Variants in FCHO2 observed in about 807,000 individuals in gnomAD.
FCHO2 encodes F-BAR domain only protein 2.
A neutral mutation model predicts 114.1 loss-of-function variants in FCHO2; 43 were observed. That is an observed-to-expected ratio of 0.38 (90% CI 0.30 to 0.49). The LOEUF (loss-of-function observed/expected upper bound fraction) is 0.49, where lower values mean the gene tolerates loss of function less well. FCHO2 is among the 20% of genes least tolerant of loss of function. FCHO2 has a pLI of 0.97. For synonymous variants in FCHO2, 293 were observed against 315.2 expected (o/e 0.93, Z 0.75); for missense variants, 807 against 950.4 (o/e 0.85, Z 1.98).
chr5:73,057,847 G>A (rs1448802658), intron 16 of FCHO2, among the ~76,000 whole-genome samples: 1 of 152,026 alleles, frequency 6.6e-6, no homozygotes, highest in Non-Finnish European at 1.5e-5. Flanking sequence ...CCCCAAGGTG[G>A]TTGAATCTAA....
At chr5:73,057,088 T>C (rs1297985135) in intron 16 of FCHO2, among the ~76,000 whole-genome samples, 3 of 133,376 alleles carry the variant, frequency 2.2e-5, no homozygotes, top group Non-Finnish European at 4.7e-5. Flanking sequence ...GTCTCCCAGC[T>C]AATTTTTTTC....
At chr5:72,980,057 T>C (rs1753116405) in intron 2 of FCHO2, among the ~76,000 whole-genome samples, 1 of 152,234 alleles carries the variant, frequency 6.6e-6, no homozygotes, top group South Asian at 2.1e-4. Context: ...ATTTTAGATC[T>C]TTCCTGCTTT....
chr5:72,962,551 A>G (rs1408476026), intron 1 of FCHO2, among the ~76,000 whole-genome samples: 1 of 152,170 alleles, frequency 6.6e-6, no homozygotes, highest in Non-Finnish European at 1.5e-5. Context: ...TTAAAAAGGA[A>G]GGGAATAAGG....
intron 9 of FCHO2, 83 bp downstream of exon 9, chr5:73,034,784 C>A: frequency 8.7e-7 from 1 of 1,155,012 alleles, no homozygotes; most frequent in Non-Finnish European, 1.2e-6. Context: ...GGAGGGACTG[C>A]TATCCCTAGG....
intron 5 of FCHO2, among the ~76,000 whole-genome samples, chr5:72,994,171 A>G (rs920145297): frequency 3.3e-5 from 5 of 152,236 alleles, no homozygotes; most frequent in Admixed American, 6.5e-5. Context: ...CTGCACAGCA[A>G]AAGAAACTAT....
chr5:73,027,682 A>G (rs1374149901), intron 8 of FCHO2, among the ~76,000 whole-genome samples: 1 of 152,190 alleles, frequency 6.6e-6, no homozygotes, highest in African/African-American at 2.4e-5. Context: ...ATCCATACAG[A>G]TAAAAATAAA....
rs1215699121 is a variant in FCHO2 at position 72,956,051 on chromosome 5, A to T, written c.-46A>T. 6.5e-7 allele frequency: 1 copy of T among 1,537,494 alleles called. No homozygotes were observed. Among genetic ancestry groups the T allele is most frequent in the Non-Finnish European group, 8.8e-7 (1 of 1,141,214 alleles). ...TGTGGGGGCCGGGCCGTGTTTACACAGCGGCGGGCGGGCGCGGACGCGGAA... is the reference window on the plus strand; with the variant it reads ...TGTGGGGGCCGGGCCGTGTTTACACTGCGGCGGGCGGGCGCGGACGCGGAA... On this transcript the variant is annotated 5_prime_UTR_variant, in exon 1 of 26. Transcript: ENST00000430046.
At chr5:72,957,745 T>G (rs1751636108) in intron 1 of FCHO2, among the ~76,000 whole-genome samples, 1 of 152,230 alleles carries the variant, frequency 6.6e-6, no homozygotes, top group Non-Finnish European at 1.5e-5. Context: ...TTTAACATTT[T>G]GAGGAACTGC....
chr5:73,057,398 CA>C (rs1260476806), intron 16 of FCHO2, among the ~76,000 whole-genome samples: 1 of 152,030 alleles, frequency 6.6e-6, no homozygotes, highest in Non-Finnish European at 1.5e-5. Flanking sequence ...CATACAGTTG[CA>C]ATGCTAGGCT....
At chr5:73,023,170 G>A (rs1755721335) in intron 8 of FCHO2, among the ~76,000 whole-genome samples, 2 of 152,192 alleles carry the variant, frequency 1.3e-5, no homozygotes, top group African/African-American at 4.8e-5. Flanking sequence ...GTAGTACATT[G>A]TAGAATCACA....
At chr5:73,002,421 C>T (rs1031102810) in intron 5 of FCHO2, among the ~76,000 whole-genome samples, 9 of 152,186 alleles carry the variant, frequency 5.9e-5, no homozygotes, top group Non-Finnish European at 1.0e-4. Context: ...AGTAATGTTC[C>T]TCCATGTAGT....
intron 5 of FCHO2, among the ~76,000 whole-genome samples, chr5:73,003,151 T>C (rs1043536150): frequency 6.6e-6 from 1 of 151,932 alleles, no homozygotes; most frequent in African/African-American, 2.4e-5. Flanking sequence ...ACCACAGGTG[T>C]GTGTCACTGT....
intron 5 of FCHO2, among the ~76,000 whole-genome samples, chr5:72,991,226 G>A (rs1299001940): frequency 1.3e-5 from 2 of 151,998 alleles, no homozygotes; most frequent in South Asian, 2.1e-4. Flanking sequence ...CACCACATCC[G>A]GCTAATTTTG....
At chr5:73,065,904 T>G (rs1742297140) in intron 18 of FCHO2, among the ~76,000 whole-genome samples, 1 of 151,928 alleles carries the variant, frequency 6.6e-6, no homozygotes, top group African/African-American at 2.4e-5. Flanking sequence ...TCCTCCCACC[T>G]TTTGTAGTCT....
At chr5:73,087,412 GA>G (rs1234113124) in intron 24 of FCHO2, among the ~76,000 whole-genome samples, 176 bp from the exon 25 acceptor site, 2 of 152,196 alleles carry the variant, frequency 1.3e-5, no homozygotes, top group Non-Finnish European at 2.9e-5. Flanking sequence ...TTTACTTAAT[GA>G]AAATTGATAT....
At chr5:73,044,198 C>T (rs912867589) in intron 11 of FCHO2, among the ~76,000 whole-genome samples, 5 of 152,098 alleles carry the variant, frequency 3.3e-5, no homozygotes, top group East Asian at 1.9e-4. Flanking sequence ...AACTGTGAAC[C>T]GATTAAACTT....
rs577027520 is a variant in FCHO2, at chr5:72,976,470, A to G, written c.125+7881A>G. Among the ~76,000 whole-genome samples, 5 of 152,090 alleles carry G rather than the reference A, an allele frequency of 3.3e-5. No individual in the cohort carries two copies. In the South Asian group the frequency reaches 1.0e-3, roughly 32 times the overall value. ...GCAGTCCTCCCGCCACAGTCTCCCA[A>G]AGCTCTGCGATTACAGGAGGGAACC... On this transcript the variant is annotated intron_variant, in intron 2 of 25. Transcript: ENST00000430046.
chr5:73,047,795 CTG>C (rs1442112164), intron 11 of FCHO2, among the ~76,000 whole-genome samples: 1 of 151,932 alleles, frequency 6.6e-6, no homozygotes, highest in South Asian at 2.1e-4. Flanking sequence ...AGTTGTTTTA[CTG>C]TGTTTTTTAA....
intron 19 of FCHO2, among the ~76,000 whole-genome samples, chr5:73,072,364 A>G (rs982198081): frequency 3.9e-5 from 6 of 152,070 alleles, no homozygotes; most frequent in Admixed American, 3.3e-4. Flanking sequence ...CGGAAAATGA[A>G]AAATGGAATT....
Sources: gnomAD v4.1 joint callset for allele counts (sites outside exome capture counted in the v4.1 genomes callset) on GRCh38, gnomAD v4.1.1 for gene constraint, MANE v1.5 for transcripts, NCBI Gene and HGNC (gene_info 2026-07-23, HGNC 2026-07-21) for gene names.